Variants in FBXL17 observed in about 807,000 individuals in gnomAD.
The protein encoded by FBXL17 is F-box and leucine rich repeat protein 17.
In FBXL17, 22 loss-of-function variants were observed where a neutral mutation model predicts 66.2. That is an observed-to-expected ratio of 0.33 (90% confidence interval 0.24 to 0.47). The LOEUF (loss-of-function observed/expected upper bound fraction) is 0.47, where lower values mean the gene tolerates loss of function less well. Among genes scored for constraint, FBXL17 ranks in the 20% least tolerant of loss-of-function variants. FBXL17 has a pLI of 1.00. For missense variants in FBXL17, 878 were observed against 948.2 expected (o/e 0.93, Z 0.97); for synonymous variants, 474 against 400.5 (o/e 1.18, Z -2.19).
intron 4 of FBXL17, among the ~76,000 whole-genome samples, chr5:108,295,544 TAC>T (rs1251664775): frequency 6.6e-6 from 1 of 152,018 alleles, no homozygotes; most frequent in Non-Finnish European, 1.5e-5. Flanking sequence ...TATATTATTA[TAC>T]AGACTCCTGC....
chr5:108,201,853 TAAAA>T (rs55995911), intron 5 of FBXL17, among the ~76,000 whole-genome samples: 1 of 129,480 alleles, frequency 7.7e-6, no homozygotes, highest in African/African-American at 2.8e-5. Context: ...AATTTGAAAG[TAAAA>T]AAAAAAAAAA....
intron 4 of FBXL17, among the ~76,000 whole-genome samples, chr5:108,339,201 G>T (rs975577936): frequency 1.2e-4 from 19 of 152,076 alleles, no homozygotes; most frequent in African/African-American, 4.6e-4. Flanking sequence ...AAATAACTGG[G>T]AATAAGTCTT....
At chr5:108,286,115 C>A (rs935761816) in intron 4 of FBXL17, among the ~76,000 whole-genome samples, 1 of 151,770 alleles carries the variant, frequency 6.6e-6, no homozygotes, top group Non-Finnish European at 1.5e-5. Flanking sequence ...AAACCCTCAA[C>A]AAACTAGACA....
intron 6 of FBXL17, among the ~76,000 whole-genome samples, chr5:108,036,035 A>G (rs1746828359): frequency 1.3e-5 from 2 of 152,226 alleles, no homozygotes; most frequent in Admixed American, 1.3e-4. Flanking sequence ...TGTGCCTGGT[A>G]TACCTAACAA....
chr5:108,361,626 C>G (rs924146729), intron 3 of FBXL17, among the ~76,000 whole-genome samples: 1 of 152,104 alleles, frequency 6.6e-6, no homozygotes, highest in African/African-American at 2.4e-5. Context: ...CTCTCCCAGG[C>G]TCTTTCTCCT....
Position 108,364,941 on chromosome 5 carries a change from T to C in FBXL17, c.1171A>G (p.Ile391Val), listed in dbSNP as rs748823527. 2.2e-5 allele frequency: 35 copies of C among 1,611,826 alleles called. No individual in the cohort carries two copies. In the South Asian group the frequency reaches 3.7e-4, roughly 17 times the overall value. The stretch of plus-strand genomic sequence containing the variant: ...ATACTGCGACAATCAGAAATGTTGA[T>C]TTCAATTATATTCTGACTTCTTGAT... ...IASRSQNIIE[I>V]NISDCRSMSD... The change falls in exon 3 of 9, where the codon ATC becomes GTC. Residue 391 changes from isoleucine to valine, a missense_variant. Physicochemically the swap from Ile to Val is conservative, Grantham distance 29. Coordinates refer to ENST00000542267, the MANE Select transcript of FBXL17 (RefSeq NM_001163315.3).
At chr5:108,211,172 G>A (rs1754353219) in intron 5 of FBXL17, among the ~76,000 whole-genome samples, 2 of 152,036 alleles carry the variant, frequency 1.3e-5, no homozygotes, top group South Asian at 4.1e-4. Flanking sequence ...CCATTTGCTT[G>A]GTAAATATTC....
In FBXL17 at chr5:108,255,534, C is replaced by T. The variant is rs552909528; in HGVS notation, c.1507-31306G>A. ...TTTAATTCATCATCAATAGGCTTTC[C>T]TGGTTTATGGAAATTTAACAGAATT... On this transcript the variant is annotated intron_variant, in intron 4 of 8. Transcript: ENST00000542267. Among the ~76,000 whole-genome samples, 6 of 152,136 alleles carry T rather than the reference C, an allele frequency of 3.9e-5. No individual in the cohort carries two copies. In the South Asian group the frequency reaches 8.3e-4, roughly 21 times the overall value.
chr5:108,167,638 T>C (rs1470176065), intron 6 of FBXL17, among the ~76,000 whole-genome samples: 1 of 152,174 alleles, frequency 6.6e-6, no homozygotes, highest in East Asian at 1.9e-4. Flanking sequence ...GGCAAGTGTT[T>C]GCCAAAATGT....
intron 4 of FBXL17, among the ~76,000 whole-genome samples, chr5:108,272,149 C>T (rs529783717): frequency 2.0e-5 from 3 of 151,908 alleles, no homozygotes; most frequent in East Asian, 3.9e-4. Flanking sequence ...AAATTAGCCG[C>T]GTGTTGTGGT....
At chr5:107,986,224 ACTT>A (rs1753006402) in intron 7 of FBXL17, among the ~76,000 whole-genome samples, 1 of 151,970 alleles carries the variant, frequency 6.6e-6, no homozygotes, top group African/African-American at 2.4e-5. Flanking sequence ...TGATAAATAT[ACTT>A]CTTGCCTTCT....
At chr5:108,079,046 A>G (rs1748660747) in intron 6 of FBXL17, among the ~76,000 whole-genome samples, 1 of 151,666 alleles carries the variant, frequency 6.6e-6, no homozygotes, top group Non-Finnish European at 1.5e-5. Context: ...ACAGGGTCTC[A>G]CTATGTGGTC....
At chr5:108,241,703 A>C (rs1755862086) in intron 4 of FBXL17, among the ~76,000 whole-genome samples, 1 of 152,132 alleles carries the variant, frequency 6.6e-6, no homozygotes, top group African/African-American at 2.4e-5. Context: ...CAAGGCATTT[A>C]ATAATCAAAT....
At position 107,927,369 on chromosome 5, in the gene FBXL17, A is replaced by T. The variant is rs1490832363; in HGVS notation, c.1823-46190T>A. 2.6e-5 allele frequency among the ~76,000 whole-genome samples: 4 copies of T among 152,264 alleles called. No homozygotes were observed. The East Asian group carries it at 5.8e-4, about 22-fold the overall frequency. ...AATGCAATGGCTACTCTGACTCTAG[A>T]GTTACTTTCCTAAAGAAGTGGATGT... is the stretch of plus-strand genomic sequence containing the variant. On this transcript the variant is annotated intron_variant, in intron 7 of 8. Coordinates refer to ENST00000542267, the MANE Select transcript of FBXL17 (RefSeq NM_001163315.3).
intron 6 of FBXL17, among the ~76,000 whole-genome samples, chr5:108,043,837 A>G (rs895509013): frequency 4.6e-5 from 7 of 152,200 alleles, no homozygotes; most frequent in Admixed American, 2.6e-4. Context: ...CTTCCAATCC[A>G]TCAGCAAAGT....
chr5:108,264,515 T>C (rs994927391), intron 4 of FBXL17, among the ~76,000 whole-genome samples: 2 of 152,196 alleles, frequency 1.3e-5, no homozygotes, highest in African/African-American at 2.4e-5. Context: ...CCTGTCTCTA[T>C]ACTAGCTCTT....
At chr5:108,158,494 C>T (rs1561439222) in intron 6 of FBXL17, among the ~76,000 whole-genome samples, 5 of 118,708 alleles carry the variant, frequency 4.2e-5, no homozygotes, top group South Asian at 4.0e-4. Flanking sequence ...GACAGTGGGG[C>T]GTGTGTGTGT....
chr5:108,063,600 G>C (rs888563647), intron 6 of FBXL17, among the ~76,000 whole-genome samples: 3 of 152,006 alleles, frequency 2.0e-5, no homozygotes, highest in Non-Finnish European at 4.4e-5. Flanking sequence ...AGATTCACAA[G>C]GGAAGTAACA....
chr5:107,958,108 T>C (rs916333608), intron 7 of FBXL17, among the ~76,000 whole-genome samples: 1 of 148,586 alleles, frequency 6.7e-6, no homozygotes, highest in African/African-American at 2.5e-5. Context: ...TGATTATGAG[T>C]CAACTTTGGT....
Sources: gnomAD v4.1 joint callset for allele counts (sites outside exome capture counted in the v4.1 genomes callset) on GRCh38, gnomAD v4.1.1 for gene constraint, MANE v1.5 for transcripts, NCBI Gene and HGNC (gene_info 2026-07-23, HGNC 2026-07-21) for gene names.